Variants in PAAF1 observed in about 807,000 individuals in gnomAD.
PAAF1 encodes the protein proteasomal ATPase-associated factor 1.
A neutral mutation model predicts 52.8 loss-of-function variants in PAAF1; 46 were observed. The observed-to-expected ratio is 0.87, with a 90% confidence interval of 0.69 to 1.11. PAAF1 has a LOEUF of 1.11. Ranked by LOEUF, PAAF1 falls within the 50% of genes most tolerant of loss-of-function variation. The pLI is 0.00. For missense variants in PAAF1, 424 were observed against 477.4 expected (o/e 0.89, Z 1.04); for synonymous variants, 178 against 172.8 (o/e 1.03, Z -0.24).
At chr11:73,879,366 C>T (rs1591031933) in intron 2 of PAAF1, 1 of 152,202 alleles carries the variant, frequency 6.6e-6, no homozygotes, top group African/African-American at 2.4e-5. Flanking sequence ...AGTTACTTGA[C>T]CCTGCCATAT....
intron 4 of PAAF1, among the ~76,000 whole-genome samples, chr11:73,893,767 A>G (rs1591062196): frequency 6.7e-6 from 1 of 148,504 alleles, no homozygotes; most frequent in African/African-American, 2.5e-5. Flanking sequence ...AAAAAGAAAG[A>G]AAAAACTAAA....
rs151048167 is a variant in PAAF1 at position 73,888,351 on chromosome 11, T to C, written c.192+894T>C. ...TACTACACTGAACAATGTAGCCTTA[T>C]AATCCATATCTGGTGAGGCCTTGAT... On this transcript the variant is annotated intron_variant, in intron 3 of 11. Coordinates refer to ENST00000310571, the MANE Select transcript of PAAF1 (RefSeq NM_025155.3). 6.6e-4 allele frequency among the ~76,000 whole-genome samples: 100 copies of C among 152,334 alleles called. 1 individual carries two copies. The highest frequency in any genetic ancestry group is 9.8e-4 in the Admixed American group (15 of 15,292).
intron 4 of PAAF1, among the ~76,000 whole-genome samples, chr11:73,895,000 G>C (rs531077537): frequency 1.3e-5 from 2 of 152,260 alleles, no homozygotes; most frequent in African/African-American, 4.8e-5. Flanking sequence ...AAACATAACT[G>C]TGCTCCTTTT....
chr11:73,905,054 G>A (rs1299942954), intron 6 of PAAF1, among the ~76,000 whole-genome samples: 1 of 151,984 alleles, frequency 6.6e-6, no homozygotes, highest in Non-Finnish European at 1.5e-5. Flanking sequence ...GGAGTTCAGG[G>A]CTGCAGTGTG....
At chr11:73,924,745 C>G (rs576118167) in intron 11 of PAAF1, 48 bp downstream of exon 11, 12 of 1,475,604 alleles carry the variant, frequency 8.1e-6, no homozygotes, top group East Asian at 2.3e-5. Context: ...CATGAGAGAT[C>G]TAGGGCTTTT....
At chr11:73,910,277 C>T (rs1008001715) in intron 7 of PAAF1, among the ~76,000 whole-genome samples, 7 of 152,082 alleles carry the variant, frequency 4.6e-5, no homozygotes, top group South Asian at 4.2e-4. Flanking sequence ...GGAGTGTTCC[C>T]GGTTAGTATA....
intron 2 of PAAF1, among the ~76,000 whole-genome samples, chr11:73,885,513 C>T (rs1949036949): frequency 6.6e-6 from 1 of 151,902 alleles, no homozygotes; most frequent in African/African-American, 2.4e-5. Flanking sequence ...TCCTAGCCAG[C>T]TCCTATCTTT....
At chr11:73,908,725 G>C (rs1949845626) in intron 6 of PAAF1, among the ~76,000 whole-genome samples, 1 of 151,782 alleles carries the variant, frequency 6.6e-6, no homozygotes, top group Admixed American at 6.6e-5. Context: ...AACTGAATTA[G>C]CTTAGGTGTC....
intron 5 of PAAF1, among the ~76,000 whole-genome samples, 164 bp downstream of exon 5, chr11:73,899,408 CTTTTTTTTTTTTTT>C (rs71065053): frequency 9.9e-6 from 1 of 101,220 alleles, no homozygotes; most frequent in Non-Finnish European, 2.0e-5. Flanking sequence ...TTCTTTTTCT[CTTTTTTTTTTTTTT>C]TTTTTTTTTG....
chr11:73,895,761 G>C (rs73549951), intron 4 of PAAF1, among the ~76,000 whole-genome samples: 1,906 of 152,290 alleles, frequency 0.013, 45 homozygotes, highest in African/African-American at 0.044. Flanking sequence ...GTGTATAAAA[G>C]ATTTGTTATT....
intron 2 of PAAF1, chr11:73,880,799 G>A (rs2135122428): frequency 6.7e-6 from 1 of 148,520 alleles, no homozygotes; most frequent in East Asian, 2.0e-4. Context: ...AAGAGTTTGA[G>A]ACCAGCCTGG....
At chr11:73,879,049 T>C (rs1406949886) in intron 2 of PAAF1, 2 of 343,208 alleles carry the variant, frequency 5.8e-6, no homozygotes, top group African/African-American at 4.2e-5. Context: ...ACATTGTTGA[T>C]GCATCTTAAT....
chr11:73,886,689 A>G (rs918295132), intron 2 of PAAF1, among the ~76,000 whole-genome samples: 9 of 151,356 alleles, frequency 5.9e-5, no homozygotes, highest in African/African-American at 1.7e-4. Context: ...AAAAAAAAAA[A>G]AAAAAAAAAG....
At chr11:73,899,568 CA>C in intron 5 of PAAF1, among the ~76,000 whole-genome samples, 1 of 152,022 alleles carries the variant, frequency 6.6e-6, no homozygotes, top group Admixed American at 6.6e-5. Flanking sequence ...TGTGCCACCA[CA>C]CACATCTAAT....
At chr11:73,920,726 T>A (rs1950190957) in intron 10 of PAAF1, among the ~76,000 whole-genome samples, 1 of 150,892 alleles carries the variant, frequency 6.6e-6, no homozygotes, top group Admixed American at 6.6e-5. Flanking sequence ...GTGGCACACA[T>A]CTATAGTCCC....
At position 73,899,322 on chromosome 11, in the gene PAAF1, A is replaced by C. The variant is rs1040467982; in HGVS notation, c.381+78A>C. The stretch of plus-strand genomic sequence containing the variant: ...AGCCTTGGACTGGGACATGGAAGGA[A>C]GAATGGCCCATTCTAAAAATGTGGG... On this transcript the variant is annotated intron_variant, in intron 5 of 11. Coordinates refer to ENST00000310571, the MANE Select transcript of PAAF1 (RefSeq NM_025155.3). The C allele has an allele frequency of 1.2e-5, 12 of 995,806 alleles. No homozygotes were observed. The African/African-American group carries it at 1.9e-4, about 16-fold the overall frequency. 61.7% of individuals were successfully genotyped at this position (995,806 alleles called of 1,614,324 possible). A position where few individuals can be genotyped will look rare whatever the true frequency, so the allele number is the denominator to read the frequency against.
intron 3 of PAAF1, chr11:73,888,932 T>C (rs1218729589): frequency 2.1e-6 from 1 of 475,968 alleles, no homozygotes; most frequent in East Asian, 3.1e-5. Context: ...CTACAGAAGT[T>C]AGTTTTGGTT....
chr11:73,926,484 C>T (rs1950362596), intron 11 of PAAF1, among the ~76,000 whole-genome samples: 1 of 151,802 alleles, frequency 6.6e-6, no homozygotes, highest in African/African-American at 2.4e-5. Context: ...GGAGGGGGTG[C>T]GAATCACGAG....
At chr11:73,880,729 C>A (rs1478500819) in intron 2 of PAAF1, 1 of 141,490 alleles carries the variant, frequency 7.1e-6, no homozygotes, top group African/African-American at 2.6e-5. Context: ...CCAGGCACAG[C>A]AGCTCACGCC....
Sources: allele counts gnomAD v4.1 joint callset (sites outside exome capture counted in the v4.1 genomes callset), GRCh38; gene constraint gnomAD v4.1.1; transcripts MANE v1.5; gene names NCBI Gene and HGNC (gene_info 2026-07-23, HGNC 2026-07-21).